The following RIF1 variants were observed in gnomAD, a reference collection of about 807,000 sequenced individuals.
The protein encoded by RIF1 is replication timing regulatory factor 1.
A neutral mutation model predicts 247.1 loss-of-function variants in RIF1; 45 were observed. That is an observed-to-expected ratio of 0.18 (90% CI 0.14 to 0.23). RIF1 has a LOEUF of 0.23. Among genes scored for constraint, RIF1 ranks in the 10% least tolerant of loss-of-function variants. The pLI is 1.00. For missense variants in RIF1, 2,967 were observed against 2,862.5 expected, an observed-to-expected ratio of 1.04 and a Z score of -0.83; for synonymous variants, 1,087 against 978.8, an observed-to-expected ratio of 1.11 and a Z score of -2.06.
chr2:151,496,209 A>G, intron 10 of RIF1: 1 of 1,417,866 alleles, frequency 7.1e-7, no homozygotes, highest in South Asian at 1.3e-5. Context: ...ATTAATATGT[A>G]TTATTTTAAA....
At chr2:151,451,545 A>G (rs934768062) in intron 20 of RIF1, 61 bp from the exon 21 acceptor site, 13 of 819,174 alleles carry the variant, frequency 1.6e-5, no homozygotes, top group South Asian at 5.5e-5. Context: ...CATGTTGCTT[A>G]CTTTTGTTGA....
rs906205598 is a variant in RIF1 at position 151,464,457 on chromosome 2, T to C, written c.4937T>C (p.Leu1646Ser). ...TSDLLQVPDD[L>S]PNVCEEKNET... Reference sequence around the variant, plus strand: ...GATTTGTTGCAAGTTCCTGATGATTTACCAAATGTGTGTGAGGAAAAAAAT... The same window carrying C: ...GATTTGTTGCAAGTTCCTGATGATTCACCAAATGTGTGTGAGGAAAAAAAT... Residue 1646 changes from leucine (L) to serine (S), a missense_variant, in exon 30 of 36, where the codon TTA becomes TCA. Leu to Ser is a moderately radical substitution (Grantham distance 145). This residue lies in a region of RIF1 where 2,028 missense variants were observed against 1,825.6 expected (regional missense o/e 1.11). Coordinates refer to ENST00000444746, the MANE Select transcript of RIF1 (RefSeq NM_018151.5). 6.2e-7 allele frequency: 1 copy of C among 1,613,780 alleles called. No homozygotes were observed. The highest frequency in any genetic ancestry group is 1.3e-5 in the African/African-American group (1 of 75,054).
chr2:151,429,393 C>G (rs946715986), intron 9 of RIF1, among the ~76,000 whole-genome samples: 2 of 152,294 alleles, frequency 1.3e-5, no homozygotes, highest in South Asian at 4.1e-4. Context: ...GTTGGCCAGG[C>G]TGGTCTGGAA....
chr2:151,474,791 G>A, intron 35 of RIF1, 66 bp from the exon 36 acceptor site: 2 of 915,096 alleles, frequency 2.2e-6, no homozygotes, highest in South Asian at 3.0e-5. Context: ...TAACTTAAAA[G>A]ATCATGTAAA....
rs774293015 is a variant in RIF1, at chr2:151,480,855, T to C, written c.*5784T>C. 1 of 152,210 alleles carries C rather than the reference T, an allele frequency of 6.6e-6. No homozygotes were observed. The highest frequency in any genetic ancestry group is 1.5e-5 in the Non-Finnish European group (1 of 68,032). 9.4% of individuals were successfully genotyped at this position (152,210 alleles called of 1,614,324 possible). ...TATAGAAACTGAAGGATGGCAGTCT[T>C]AACTCCTAAGTTTTTTACAGAGCAC... On this transcript the variant is annotated 3_prime_UTR_variant, in exon 36 of 36. Transcript: ENST00000444746.
At chr2:151,485,809 C>G (rs368167929), downstream of RIF1, 1 of 1,614,064 alleles carries the variant, frequency 6.2e-7, no homozygotes, top group South Asian at 1.1e-5. Flanking sequence ...CCTGCCAGTC[C>G]TCTGCACAGT....
At chr2:151,524,723 G>C in the RIF1 span, 3 of 882,032 alleles carry the variant, frequency 3.4e-6, no homozygotes, top group Non-Finnish European at 5.1e-6. Flanking sequence ...CTTGAGTGCA[G>C]TGGTACAATC....
At chr2:151,415,095 C>G (rs1454390192) in intron 4 of RIF1, among the ~76,000 whole-genome samples, 176 bp downstream of exon 4, 1 of 151,986 alleles carries the variant, frequency 6.6e-6, no homozygotes, top group African/African-American at 2.4e-5. Flanking sequence ...CGCCTGTAAT[C>G]CTAGCACTTT....
At position 151,464,909 on chromosome 2, in the gene RIF1, C is replaced by A; in HGVS notation, c.5389C>A (p.His1797Asn). ...AGATGAACATCATAGTGTGAATTTT[C>A]ATTTGGGTCTCAAAGAGGATAATGA... ...FLDEHHSVNF[H>N]LGLKEDNDTI... is the part of the protein sequence containing the mutation. The change falls in exon 30 of 36, where the codon CAT becomes AAT. Residue 1797 changes from histidine (H) to asparagine (N), a missense_variant. By Grantham distance (68) the His-to-Asn change is moderately conservative. Around this residue, in one of 7 missense-constraint regions of RIF1, gnomAD observed 2,028 missense variants for 1,825.6 expected, o/e 1.11. Coordinates refer to ENST00000444746, the MANE Select transcript of RIF1 (RefSeq NM_018151.5). The A allele has an allele frequency of 6.3e-7, 1 of 1,578,624 alleles. No homozygotes were observed. The highest frequency in any genetic ancestry group is 8.6e-7 in the Non-Finnish European group (1 of 1,168,564).
At chr2:151,529,663 T>C in the RIF1 span, among the ~76,000 whole-genome samples, 4 of 152,078 alleles carry the variant, frequency 2.6e-5, no homozygotes, top group Admixed American at 2.0e-4. Context: ...CCTGAGTACC[T>C]GGGACCACAG....
intron 18 of RIF1, among the ~76,000 whole-genome samples, 183 bp downstream of exon 18, chr2:151,443,892 A>G (rs780326079): frequency 6.6e-6 from 1 of 152,190 alleles, no homozygotes; most frequent in South Asian, 2.1e-4. Flanking sequence ...TAAAGAAACT[A>G]TAACTTAATG....
chr2:151,447,971 T>C (rs1160649024), intron 20 of RIF1, among the ~76,000 whole-genome samples: 2 of 152,222 alleles, frequency 1.3e-5, no homozygotes, highest in Non-Finnish European at 2.9e-5. Flanking sequence ...TTGTTGTGCC[T>C]GTTTTCTCTA....
chr2:151,468,284 A>G (rs1697265432), intron 31 of RIF1, 138 bp downstream of exon 31: 2 of 926,262 alleles, frequency 2.2e-6, no homozygotes, highest in Non-Finnish European at 3.2e-6. Flanking sequence ...GGTACACGGT[A>G]AGCAGAAAGG....
rs1415221238 is a variant in RIF1, at chr2:151,478,569, T to C, written c.*3498T>C. ...AAGATAGTTAAAGACTCTGTTACAA[T>C]TTAAACATCATAAAAATGTGAAGAG... On this transcript the variant is annotated 3_prime_UTR_variant, in exon 36 of 36. Transcript: ENST00000444746. The C allele has an allele frequency of 6.6e-6, 1 of 151,944 alleles. No individual in the cohort carries two copies. The highest frequency in any genetic ancestry group is 1.5e-5 in the Non-Finnish European group (1 of 67,998). The allele number at this position is 151,944 out of a possible 1,614,324, so 9.4% of individuals were successfully genotyped here.
At chr2:151,486,247 G>A, downstream of RIF1, 1 of 251,296 alleles carries the variant, frequency 4.0e-6, no homozygotes, top group Non-Finnish European at 7.7e-6. Flanking sequence ...GCACACAAAA[G>A]GATGCTCAAA....
intron 12 of RIF1, chr2:151,505,836 T>G (rs929813944): frequency 2.8e-5 from 15 of 541,670 alleles, no homozygotes; most frequent in African/African-American, 3.8e-5. Flanking sequence ...TCCTGTATAC[T>G]CCAATGTCTT....
At chr2:151,489,787 T>C (rs1172051211) in intron 9 of RIF1, among the ~76,000 whole-genome samples, 1 of 152,172 alleles carries the variant, frequency 6.6e-6, no homozygotes, top group Non-Finnish European at 1.5e-5. Flanking sequence ...AATAATGCTT[T>C]TCATTAATTT....
At chr2:151,430,524 A>G (rs1558954225) in intron 9 of RIF1, among the ~76,000 whole-genome samples, 3 of 151,496 alleles carry the variant, frequency 2.0e-5, no homozygotes, top group East Asian at 1.9e-4. Flanking sequence ...GTTTCACCAT[A>G]CTGGCCAGGC....
chr2:151,435,398 G>A (rs985483812), intron 10 of RIF1, 65 bp from the exon 11 acceptor site: 4 of 886,462 alleles, frequency 4.5e-6, no homozygotes, highest in South Asian at 3.0e-5. Context: ...TTTATATTAT[G>A]TGAGGCTTTT....
Sources: allele counts gnomAD v4.1 joint callset (sites outside exome capture counted in the v4.1 genomes callset), GRCh38; gene constraint gnomAD v4.1.1; regional missense constraint gnomAD v4.1.1; transcripts MANE v1.5; gene names NCBI Gene and HGNC (gene_info 2026-07-23, HGNC 2026-07-21).